ASTN2: variants seen among roughly 807,000 people sequenced by gnomAD.
ASTN2 encodes astrotactin-2.
In ASTN2, 54 loss-of-function variants were observed where a neutral mutation model predicts 139.8. That is an observed-to-expected ratio of 0.39 (90% confidence interval 0.31 to 0.48). ASTN2 has a LOEUF of 0.48. Among genes scored for constraint, ASTN2 ranks in the 20% least tolerant of loss-of-function variants. ASTN2 has a pLI of 0.95. For missense variants in ASTN2, 1,565 were observed against 1,725.1 expected (o/e 0.91, Z 1.64); for synonymous variants, 756 against 719.5 (o/e 1.05, Z -0.81).
At chr9:117,151,388 A>G (rs7046318) in intron 3 of ASTN2, among the ~76,000 whole-genome samples, 17,332 of 152,094 alleles carry the variant, frequency 0.11, 1,301 homozygotes, top group Middle Eastern at 0.18. Context: ...CCTATACCTT[A>G]CAATGGAGTT....
At chr9:116,910,821 GT>G (rs34613380) in intron 10 of ASTN2, among the ~76,000 whole-genome samples, 3 of 152,218 alleles carry the variant, frequency 2.0e-5, no homozygotes, top group African/African-American at 7.2e-5. Flanking sequence ...GGCTGTTGGA[GT>G]TTTGCATGGA....
At chr9:116,614,099 T>C (rs1462232000) in intron 19 of ASTN2, among the ~76,000 whole-genome samples, 1 of 152,100 alleles carries the variant, frequency 6.6e-6, no homozygotes, top group Non-Finnish European at 1.5e-5. Flanking sequence ...GAGAGCCAAA[T>C]CATGAGTGAA....
At chr9:116,774,836 G>A (rs1035503657) in intron 13 of ASTN2, among the ~76,000 whole-genome samples, 6 of 152,046 alleles carry the variant, frequency 3.9e-5, no homozygotes, top group African/African-American at 7.2e-5. Flanking sequence ...CAGGGCCTTC[G>A]GTATAAATGT....
chr9:116,839,605 G>A lies in ASTN2; in HGVS notation c.2041-18822C>T, dbSNP rs113380757. ...AGCGATTCTTATGCGTTGGCCTCCC[G>A]AGTTGCTGGAATTACAGTTGCTGGA... On this transcript the variant is annotated intron_variant, in intron 11 of 22. Transcript: ENST00000313400. Among the ~76,000 whole-genome samples, 1,128 of 151,864 alleles carry A rather than the reference G, an allele frequency of 7.4e-3. 10 individuals are homozygous for A. Among genetic ancestry groups the A allele is most frequent in the African/African-American group, 0.025 (1,043 of 41,430 alleles).
Position 117,020,002 on chromosome 9 carries a change from CTGTGTGTGTGTGTG to C in ASTN2, c.1424-11757_1424-11744del, listed in dbSNP as rs57575432. On this transcript the variant is annotated intron_variant, in intron 6 of 22. Coordinates refer to ENST00000313400, the MANE Select transcript of ASTN2 (RefSeq NM_001365068.1). ...ACATAAAAATAGCCATTCAGGGTTT[CTGTGTGTGTGTGTG>C]TGTGTGTGTGTGTGTGTGTGTGTGT... Among the ~76,000 whole-genome samples, 501 of 140,910 alleles carry C rather than the reference CTGTGTGTGTGTGTG, an allele frequency of 3.6e-3. 3 individuals are homozygous for C. The highest frequency in any genetic ancestry group is 3.7e-3 in the Non-Finnish European group (242 of 64,986). The allele number at this position is 140,910 out of a possible 152,430, so 92.4% of individuals were successfully genotyped here.
At chr9:116,787,016 T>C (rs979475436) in intron 13 of ASTN2, among the ~76,000 whole-genome samples, 1 of 152,240 alleles carries the variant, frequency 6.6e-6, no homozygotes, top group African/African-American at 2.4e-5. Context: ...GCTTCCGCCA[T>C]GACTGTAAGT....
At chr9:116,865,000 C>T (rs555141417) in intron 10 of ASTN2, among the ~76,000 whole-genome samples, 2 of 152,188 alleles carry the variant, frequency 1.3e-5, no homozygotes, top group Non-Finnish European at 2.9e-5. Context: ...ATTCGGACTT[C>T]ATAATCTTGC....
At chr9:116,557,673 T>C (rs780322025) in intron 19 of ASTN2, 6 of 152,190 alleles carry the variant, frequency 3.9e-5, no homozygotes, top group Non-Finnish European at 8.8e-5. Flanking sequence ...GTGAAAGTAC[T>C]ATAATTTGGA....
rs565145500 is a variant in ASTN2, at chr9:116,679,583, C to G, written c.2807-27790G>C. Among the ~76,000 whole-genome samples, 4 of 151,842 alleles carry G rather than the reference C, an allele frequency of 2.6e-5. No homozygotes were observed. In the South Asian group the frequency reaches 6.2e-4, roughly 24 times the overall value. On this transcript the variant is annotated intron_variant, in intron 16 of 22. Coordinates refer to ENST00000313400, the MANE Select transcript of ASTN2 (RefSeq NM_001365068.1). ...AATTGTGTCTTCAAGTGTGGCTGCCCTCACCACACCACACCTATTCCAAAA... is the reference window on the plus strand; with the variant it reads ...AATTGTGTCTTCAAGTGTGGCTGCCGTCACCACACCACACCTATTCCAAAA...
Position 116,574,821 on chromosome 9 carries a change from C to A in ASTN2, c.3355+43503G>T, listed in dbSNP as rs1053087795. Among the ~76,000 whole-genome samples, 15 of 152,326 alleles carry A rather than the reference C, an allele frequency of 9.8e-5. No homozygotes were observed. The South Asian group carries it at 2.3e-3, about 23-fold the overall frequency. On this transcript the variant is annotated intron_variant, in intron 19 of 22. Transcript: ENST00000313400. ...TCTGCTATTTTATCTGTAGCACAGA[C>A]CCCATGATGTTATTCCTTTGCACAT...
At chr9:116,771,579 T>C (rs1235308031) in intron 13 of ASTN2, among the ~76,000 whole-genome samples, 1 of 152,202 alleles carries the variant, frequency 6.6e-6, no homozygotes, top group Non-Finnish European at 1.5e-5. Flanking sequence ...AGCTCATGAA[T>C]GAATGAATGA....
chr9:117,021,624 C>A (rs1837883013), intron 6 of ASTN2, among the ~76,000 whole-genome samples: 1 of 152,078 alleles, frequency 6.6e-6, no homozygotes, highest in Admixed American at 6.6e-5. Flanking sequence ...TGTTTAATAG[C>A]AGAAATACAG....
chr9:117,394,505 GATAA>G (rs1204458810), intron 1 of ASTN2, among the ~76,000 whole-genome samples: 9 of 152,144 alleles, frequency 5.9e-5, no homozygotes, highest in African/African-American at 9.7e-5. Flanking sequence ...GCCTAAGAAA[GATAA>G]ATAAAGTGTC....
At chr9:117,078,338 G>C (rs183190582) in intron 5 of ASTN2, among the ~76,000 whole-genome samples, 1 of 151,932 alleles carries the variant, frequency 6.6e-6, no homozygotes, top group African/African-American at 2.4e-5. Context: ...CCATTATTTC[G>C]TCAGGCATCT....
chr9:116,438,426 T>C (rs1847725571), intron 22 of ASTN2, among the ~76,000 whole-genome samples: 1 of 152,176 alleles, frequency 6.6e-6, no homozygotes, highest in Admixed American at 6.5e-5. Context: ...TCTTATCTCT[T>C]ACCACTCCTG....
chr9:117,365,243 A>G (rs1829806347), intron 1 of ASTN2, among the ~76,000 whole-genome samples: 1 of 151,660 alleles, frequency 6.6e-6, no homozygotes, highest in South Asian at 2.1e-4. Flanking sequence ...GCAAGAAAGA[A>G]AGAGAGAGAG....
At chr9:117,259,875 C>A (rs1040499871) in intron 2 of ASTN2, among the ~76,000 whole-genome samples, 6 of 152,166 alleles carry the variant, frequency 3.9e-5, no homozygotes, top group Non-Finnish European at 8.8e-5. Context: ...AGACCTGTCT[C>A]AAGTACTTTG....
intron 12 of ASTN2, among the ~76,000 whole-genome samples, chr9:116,816,659 A>G (rs1831337187): frequency 6.6e-6 from 1 of 152,144 alleles, no homozygotes; most frequent in Admixed American, 6.6e-5. Context: ...AGTTCACAGT[A>G]TGACAGAAAC....
chr9:116,961,365 A>G (rs1018790632), intron 10 of ASTN2, among the ~76,000 whole-genome samples: 1 of 152,006 alleles, frequency 6.6e-6, no homozygotes, highest in African/African-American at 2.4e-5. Context: ...ATCAAACAAT[A>G]ACTCTCCATT....
Sources: allele counts gnomAD v4.1 joint callset (sites outside exome capture counted in the v4.1 genomes callset), GRCh38; gene constraint gnomAD v4.1.1; transcripts MANE v1.5; gene names NCBI Gene and HGNC (gene_info 2026-07-23, HGNC 2026-07-21).